The following PMEL variants were observed in gnomAD, a reference collection of about 807,000 sequenced individuals.
PMEL encodes the protein melanocyte protein PMEL.
PMEL carries 53 observed loss-of-function variants against 64.9 expected under a neutral mutation model. The observed-to-expected ratio is 0.82, with a 90% CI of 0.66 to 1.03. PMEL has a LOEUF of 1.03. Among genes scored for constraint, PMEL ranks in the 50% least tolerant of loss-of-function variants. PMEL has a pLI of 0.00. For synonymous variants in PMEL, 299 were observed against 316.2 expected, an observed-to-expected ratio of 0.95 and a Z score of 0.58; for missense variants, 716 against 814.9, an observed-to-expected ratio of 0.88 and a Z score of 1.48.
chr12:55,963,092 G>C (rs191597062), intron 1 of PMEL, among the ~76,000 whole-genome samples: 24 of 151,608 alleles, frequency 1.6e-4, no homozygotes, highest in African/African-American at 2.4e-5. Context: ...AGGAGGCGGA[G>C]GTGGCAGTGA....
chr12:55,956,129 G>A lies in PMEL; in HGVS notation c.1445C>T (p.Ser482Phe), dbSNP rs762625724. The stretch of plus-strand genomic sequence containing the variant: ...GACAATGTCCAGGGTGACGGAAAAG[G>A]AACCATATCGATACAGAACACAATC... ...PLDCVLYRYGSFSVTLDIVQG... is the reference protein window; with the variant it reads ...PLDCVLYRYGFFSVTLDIVQG... The change falls in exon 7 of 11, where the codon TCC becomes TTC. Residue 482 changes from serine to phenylalanine, a missense_variant. By Grantham distance (155) the Ser-to-Phe change is radical. Coordinates refer to ENST00000548747, the MANE Select transcript of PMEL (RefSeq NM_001384361.1). The A allele has an allele frequency of 6.2e-7, 1 of 1,613,180 alleles. No homozygotes were observed. Among genetic ancestry groups the A allele is most frequent in the South Asian group, 1.1e-5 (1 of 91,062 alleles).
chr12:55,955,501 G>T lies in PMEL; in HGVS notation c.1725C>A (p.Asn575Lys). ...YCLNVSLADT[N>K]SLAVVSTQLI... ...GCTGGGTGCTGACCACTGCCAGGCT[G>T]TTGGTATCAGCCAGAGACACATTGA... Residue 575 changes from asparagine (N) to lysine (K), a missense_variant, in exon 9 of 11, where the codon AAC becomes AAA. Asn to Lys is a moderately conservative substitution (Grantham distance 94). Transcript: ENST00000548747. 3 of 1,614,146 alleles carry T rather than the reference G, an allele frequency of 1.9e-6. No individual in the cohort carries two copies. The highest frequency in any genetic ancestry group is 2.5e-6 in the Non-Finnish European group (3 of 1,180,014).
intron 1 of PMEL, among the ~76,000 whole-genome samples, chr12:55,964,025 C>T (rs1889197083): frequency 6.6e-6 from 1 of 152,090 alleles, no homozygotes; most frequent in African/African-American, 2.4e-5. Flanking sequence ...GTTTTGCTCT[C>T]TCACCCTGCG....
chr12:55,955,253 G>A (rs750439228), intron 10 of PMEL, 21 bp downstream of exon 10: 16 of 1,514,534 alleles, frequency 1.1e-5, no homozygotes, highest in African/African-American at 1.4e-5. Context: ...GGGGGTCTGA[G>A]CTGTGTGATG....
In PMEL at chr12:55,965,193, C is replaced by T. The variant is rs559716561; in HGVS notation, c.76+743G>A. Among the ~76,000 whole-genome samples, 5 of 152,290 alleles carry T rather than the reference C, an allele frequency of 3.3e-5. No homozygotes were observed. The South Asian group carries it at 1.0e-3, about 32-fold the overall frequency. On this transcript the variant is annotated intron_variant, in intron 1 of 10. Coordinates refer to ENST00000548747, the MANE Select transcript of PMEL (RefSeq NM_001384361.1). Reference sequence around the variant, plus strand: ...CCACCTGCTTCAGCCTCCCAAAGTGCTGGGATTACAGGCGTGAGCCACGGC... The same window carrying T: ...CCACCTGCTTCAGCCTCCCAAAGTGTTGGGATTACAGGCGTGAGCCACGGC...
rs758695951 is a variant in PMEL, at chr12:55,956,173, C to T, written c.1401G>A (p.Val467=). 6 of 1,614,124 alleles carry T rather than the reference C, an allele frequency of 3.7e-6. No homozygotes were observed. The highest frequency in any genetic ancestry group is 1.1e-5 in the South Asian group (1 of 91,088). Residue 467 remains valine (V), a synonymous_variant, in exon 7 of 11, where the codon GTG becomes GTA. Coordinates refer to ENST00000548747, the MANE Select transcript of PMEL (RefSeq NM_001384361.1). ...LLDGTATLRL[V]KRQVPLDCVL... is the part of the protein sequence containing the mutation. The stretch of plus-strand genomic sequence containing the variant: ...CACAATCCAGGGGGACTTGTCTCTT[C>T]ACCAGCCTTAAGGTGGCTGTACCAT...
In PMEL at chr12:55,958,525, T is replaced by A. The variant is rs73123213; in HGVS notation, c.417A>T (p.Pro139=). ...ACIFPDGGPC[P]SGSWSQKRSF... is the part of the protein sequence containing the mutation. Reference sequence around the variant, plus strand: ...TTCTCTTCTGAGACCAAGAGCCAGATGGGCAAGGTCCACCATCAGGGAAGA... The same window carrying A: ...TTCTCTTCTGAGACCAAGAGCCAGAAGGGCAAGGTCCACCATCAGGGAAGA... The change falls in exon 4 of 11, where the codon CCA becomes CCT. Residue 139 remains proline, a synonymous_variant. Transcript: ENST00000548747. 181 of 1,614,128 alleles carry A rather than the reference T, an allele frequency of 1.1e-4. No individual in the cohort carries two copies. The highest frequency in any genetic ancestry group is 1.5e-4 in the Non-Finnish European group (174 of 1,180,000).
chr12:55,959,921 C>A (rs1210139268), intron 3 of PMEL, among the ~76,000 whole-genome samples: 1 of 152,134 alleles, frequency 6.6e-6, no homozygotes, highest in South Asian at 2.1e-4. Flanking sequence ...CTAATCCTTA[C>A]AACAATCCTT....
intron 8 of PMEL, 47 bp from the exon 9 acceptor site, chr12:55,955,716 A>G (rs750260269): frequency 8.1e-6 from 13 of 1,608,166 alleles, no homozygotes; most frequent in Non-Finnish European, 1.1e-5. Flanking sequence ...AAGGGACACT[A>G]AATGCCAGAG....
intron 6 of PMEL, chr12:55,956,440 G>C: frequency 2.0e-6 from 1 of 492,506 alleles, no homozygotes; most frequent in East Asian, 3.2e-5. Context: ...GGTGGCATTG[G>C]AGTTTTAAAA....
rs764675997 is a variant in PMEL at position 55,966,038 on chromosome 12, G to T, written c.-27C>A. ...GTGTTCTTCCCTCCAGCAACCAAAG[G>T]CACTGGGGGGACTGGGATAGGCCCC... On this transcript the variant is annotated 5_prime_UTR_variant, in exon 1 of 11. Transcript: ENST00000548747. 6.8e-6 allele frequency: 11 copies of T among 1,614,010 alleles called. No homozygotes were observed. Among genetic ancestry groups the T allele is most frequent in the Admixed American group, 1.7e-5 (1 of 60,000 alleles).
chr12:55,966,330 C>G (rs922132168), upstream of PMEL: 14 of 345,240 alleles, frequency 4.1e-5, no homozygotes, highest in Admixed American at 6.2e-4. Context: ...TGAATTAAAC[C>G]AGGAACTTCT....
In PMEL at chr12:55,957,009, G is replaced by A. The variant is rs750561778; in HGVS notation, c.1294C>T (p.Pro432Ser). ...EWVETTAREL[P>S]IPEPEGPDAS... ...TCTGGACCTTCAGGCTCAGGGATAG[G>A]TAGCTCTCTAGCTGTGGTCTCCACC... The change falls in exon 6 of 11, where the codon CCT becomes TCT. Residue 432 changes from proline to serine, a missense_variant. Coordinates refer to ENST00000548747, the MANE Select transcript of PMEL (RefSeq NM_001384361.1). The A allele has an allele frequency of 6.2e-7, 1 of 1,614,180 alleles. No individual in the cohort carries two copies. The highest frequency in any genetic ancestry group is 8.5e-7 in the Non-Finnish European group (1 of 1,180,006).
At chr12:55,966,072 A>G, upstream of PMEL, 3 of 1,613,140 alleles carry the variant, frequency 1.9e-6, no homozygotes, top group Non-Finnish European at 2.5e-6. Context: ...CCTATATAAG[A>G]AAAGGGTGCT....
chr12:55,960,210 C>CAAAAAAAAAAAAA (rs56810428), intron 3 of PMEL, among the ~76,000 whole-genome samples: 2 of 56,290 alleles, frequency 3.6e-5, no homozygotes, highest in Non-Finnish European at 6.9e-5. Context: ...GACTCTGTCT[C>CAAAAAAAAAAAAA]AAAAAAAAAA....
intron 7 of PMEL, 54 bp downstream of exon 7, chr12:55,956,049 G>T: frequency 1.5e-6 from 2 of 1,301,738 alleles, no homozygotes; most frequent in Non-Finnish European, 2.2e-6. Flanking sequence ...CCACTGACCA[G>T]CCCTAGGTAG....
intron 1 of PMEL, among the ~76,000 whole-genome samples, chr12:55,964,183 G>A (rs1478234296): frequency 7.4e-6 from 1 of 135,404 alleles, no homozygotes; most frequent in African/African-American, 2.8e-5. Flanking sequence ...ACAGAGTTTC[G>A]CTCTTGTTGC....
rs1273435227 is a variant in PMEL, at chr12:55,955,547, C to T, written c.1679G>A (p.Gly560Asp). Residue 560 changes from glycine (G) to aspartate (D), a missense_variant, in exon 9 of 11, where the codon GGT (glycine) becomes GAT (aspartate). Physicochemically the swap from Gly to Asp is moderately conservative, Grantham distance 94 (BLOSUM62 -1). Coordinates refer to ENST00000548747, the MANE Select transcript of PMEL (RefSeq NM_001384361.1). ...CQLVLHQILK[G>D]GSGTYCLNVS... ...ATTGAGGCAGTATGTCCCCGAGCCA[C>T]CCTTCAGTATCTGGTGCAGAACCAG... The T allele has an allele frequency of 6.2e-7, 1 of 1,614,152 alleles. No individual in the cohort carries two copies. The highest frequency in any genetic ancestry group is 8.5e-7 in the Non-Finnish European group (1 of 1,180,024).
chr12:55,964,277 C>T (rs960200245), intron 1 of PMEL, among the ~76,000 whole-genome samples: 5 of 151,978 alleles, frequency 3.3e-5, no homozygotes, highest in African/African-American at 1.2e-4. Context: ...TCTCCTGCCT[C>T]AGCCTCCTGA....
Sources: gnomAD v4.1 joint callset for allele counts (sites outside exome capture counted in the v4.1 genomes callset) on GRCh38, gnomAD v4.1.1 for gene constraint, MANE v1.5 for transcripts, NCBI Gene and HGNC (gene_info 2026-07-23, HGNC 2026-07-21) for gene names.